Variants in PRR16 observed in about 807,000 individuals in gnomAD.
PRR16 encodes proline rich 16, also known as protein Largen.
In PRR16, 6 loss-of-function variants were observed where a neutral mutation model predicts 18.2. The ratio of observed to expected loss-of-function variants is 0.33; its 90% CI spans 0.18 to 0.65. PRR16 has a LOEUF of 0.65. PRR16 is among the 30% of genes least tolerant of loss of function. PRR16 has a pLI of 0.74. For missense variants in PRR16, 412 were observed against 376.6 expected, an observed-to-expected ratio of 1.09 and a Z score of -0.78; for synonymous variants, 151 against 147.8, an observed-to-expected ratio of 1.02 and a Z score of -0.16.
At chr5:120,694,046 A>G in the PRR16 span, among the ~76,000 whole-genome samples, 2 of 152,196 alleles carry the variant, frequency 1.3e-5, no homozygotes, top group Non-Finnish European at 2.9e-5. Flanking sequence ...TTTGAAGGAC[A>G]CCACCTGCCA....
intron 1 of PRR16, among the ~76,000 whole-genome samples, chr5:120,617,633 T>C (rs914810233): frequency 1.3e-5 from 2 of 152,178 alleles, no homozygotes; most frequent in Admixed American, 1.3e-4. Context: ...TTTGATAAGT[T>C]ATCTTTATAT....
the PRR16 span, among the ~76,000 whole-genome samples, chr5:120,755,634 G>C: frequency 1.3e-5 from 2 of 151,900 alleles, no homozygotes. Flanking sequence ...GTCCACTGTC[G>C]AGGACCACCT....
the PRR16 span, among the ~76,000 whole-genome samples, chr5:120,765,977 TACC>T: frequency 6.6e-6 from 1 of 151,956 alleles, no homozygotes; most frequent in African/African-American, 2.4e-5. Context: ...TATGGAAACA[TACC>T]ACAATTTATT....
intron 1 of PRR16, among the ~76,000 whole-genome samples, chr5:120,569,930 G>C (rs918513527): frequency 6.6e-6 from 1 of 152,094 alleles, no homozygotes; most frequent in Non-Finnish European, 1.5e-5. Flanking sequence ...AAGAAAAATG[G>C]AGATTGTTAG....
At chr5:120,754,281 TAA>T in the PRR16 span, among the ~76,000 whole-genome samples, 1 of 39,784 alleles carries the variant, frequency 2.5e-5, no homozygotes, top group Non-Finnish European at 4.4e-5. Flanking sequence ...AAATAATATA[TAA>T]ATATATAATA....
At position 120,686,024 on chromosome 5, in the gene PRR16, C is replaced by T. The variant is rs759341558; in HGVS notation, c.230C>T (p.Thr77Met). 43 of 1,614,014 alleles carry T rather than the reference C, an allele frequency of 2.7e-5. No individual in the cohort carries two copies. The highest frequency in any genetic ancestry group is 3.0e-5 in the Non-Finnish European group (35 of 1,180,016). ...LEDEMTDSSKTDTLNSSSSGT... is the reference protein window; with the variant it reads ...LEDEMTDSSKMDTLNSSSSGT... ...GATGAGATGACTGACAGCTCCAAAA[C>T]GGACACGCTGAATAGTAGCTCAAGT... Residue 77 changes from threonine to methionine, a missense_variant, in exon 2 of 2, where the codon ACG becomes ATG. Transcript: ENST00000407149.
At chr5:120,546,229 A>G (rs1752069931) in intron 1 of PRR16, among the ~76,000 whole-genome samples, 1 of 152,104 alleles carries the variant, frequency 6.6e-6, no homozygotes, top group Non-Finnish European at 1.5e-5. Context: ...ACATCACCAC[A>G]CTTCTTAGAA....
intron 1 of PRR16, among the ~76,000 whole-genome samples, chr5:120,675,242 G>C (rs1756755827): frequency 6.6e-6 from 1 of 152,158 alleles, no homozygotes; most frequent in Non-Finnish European, 1.5e-5. Context: ...GAAAAAAATG[G>C]AGAGCTTTAT....
intron 1 of PRR16, among the ~76,000 whole-genome samples, chr5:120,494,746 A>G (rs1750185478): frequency 6.6e-6 from 1 of 151,980 alleles, no homozygotes; most frequent in Non-Finnish European, 1.5e-5. Flanking sequence ...TCTGTAATCT[A>G]TTTTGAGTTA....
the PRR16 span, among the ~76,000 whole-genome samples, chr5:120,783,027 G>A: frequency 6.6e-6 from 1 of 152,126 alleles, no homozygotes; most frequent in Non-Finnish European, 1.5e-5. Flanking sequence ...AGTATGTCTT[G>A]CTGGTGGATG....
chr5:120,773,673 A>T, the PRR16 span, among the ~76,000 whole-genome samples: 1 of 152,084 alleles, frequency 6.6e-6, no homozygotes, highest in Non-Finnish European at 1.5e-5. Context: ...TCTCTCTGCC[A>T]GACTATCAGA....
the PRR16 span, among the ~76,000 whole-genome samples, chr5:120,738,709 G>A: frequency 6.6e-6 from 1 of 152,140 alleles, no homozygotes; most frequent in Non-Finnish European, 1.5e-5. Context: ...CTTGGTAGGT[G>A]CATTTGTGTA....
the PRR16 span, among the ~76,000 whole-genome samples, chr5:120,738,558 T>G: frequency 2.0e-5 from 3 of 152,280 alleles, no homozygotes; most frequent in South Asian, 6.2e-4. Context: ...GAGGGAATGA[T>G]TTTTGCATGT....
chr5:120,556,713 C>A lies in PRR16; in HGVS notation c.159+92068C>A, dbSNP rs577237883. 1.8e-4 allele frequency among the ~76,000 whole-genome samples: 27 copies of A among 151,886 alleles called. 1 individual carries two copies. The highest frequency in any genetic ancestry group is 1.2e-3 in the Admixed American group (19 of 15,206). On this transcript the variant is annotated intron_variant, in intron 1 of 1. Coordinates refer to ENST00000407149, the MANE Select transcript of PRR16 (RefSeq NM_001300783.2). ...CCTCTGAGCAGATAAATTATAAAAACCCTCTTCTTCTGGGTTGACTAGCCT... is the reference window on the plus strand; with the variant it reads ...CCTCTGAGCAGATAAATTATAAAAAACCTCTTCTTCTGGGTTGACTAGCCT...
intron 1 of PRR16, among the ~76,000 whole-genome samples, chr5:120,477,860 C>A (rs1347905847): frequency 6.6e-6 from 1 of 152,168 alleles, no homozygotes; most frequent in East Asian, 1.9e-4. Context: ...CGCCTATATC[C>A]CCACCTGAGC....
intron 1 of PRR16, among the ~76,000 whole-genome samples, chr5:120,663,380 C>A (rs1756242788): frequency 6.6e-6 from 1 of 152,076 alleles, no homozygotes; most frequent in Non-Finnish European, 1.5e-5. Context: ...ACTATGACCT[C>A]ACTTTTTATA....
At chr5:120,733,945 T>TC in the PRR16 span, among the ~76,000 whole-genome samples, 1 of 152,222 alleles carries the variant, frequency 6.6e-6, no homozygotes, top group South Asian at 2.1e-4. Context: ...TTTATTTCAA[T>TC]CTGTGTTATC....
intron 1 of PRR16, among the ~76,000 whole-genome samples, chr5:120,636,772 A>G (rs2112848941): frequency 6.6e-6 from 1 of 152,290 alleles, no homozygotes; most frequent in Non-Finnish European, 1.5e-5. Context: ...AAAAACGAAG[A>G]AAAATAGATG....
chr5:120,519,941 A>G (rs954813693), intron 1 of PRR16, among the ~76,000 whole-genome samples: 4 of 149,800 alleles, frequency 2.7e-5, no homozygotes, highest in African/African-American at 9.8e-5. Context: ...AAGAAATCTA[A>G]TTTTTTTTTT....
Sources: allele counts gnomAD v4.1 joint callset (sites outside exome capture counted in the v4.1 genomes callset), GRCh38; gene constraint gnomAD v4.1.1; transcripts MANE v1.5; gene names NCBI Gene and HGNC (gene_info 2026-07-23, HGNC 2026-07-21).